The following ZC3H14 variants were observed in gnomAD, a reference collection of about 807,000 sequenced individuals.
ZC3H14 encodes zinc finger CCCH-type containing 14, also known as zinc finger CCCH domain-containing protein 14.
ZC3H14 carries 31 observed loss-of-function variants against 92.4 expected under a neutral mutation model. The ratio of observed to expected loss-of-function variants is 0.34; its 90% CI spans 0.25 to 0.45. The LOEUF is 0.45. Ranked by LOEUF, ZC3H14 falls within the 20% of genes least tolerant of loss-of-function variation. The probability of loss-of-function intolerance (pLI) is 1.00; values close to 1 mark genes in which losing one functional copy is unlikely to be tolerated. For synonymous variants in ZC3H14, 321 were observed against 300.9 expected (o/e 1.07, Z -0.69); for missense variants, 781 against 897.3 (o/e 0.87, Z 1.66).
intron 2 of ZC3H14, among the ~76,000 whole-genome samples, chr14:88,564,663 C>CTATGATATATAATATA (rs2079338118): frequency 1.3e-5 from 2 of 152,116 alleles, no homozygotes; most frequent in African/African-American, 4.8e-5. Flanking sequence ...ATAGTAACAC[C>CTATGATATATAATATA]ATAATGAAAT....
chr14:88,596,955 A>G, intron 10 of ZC3H14, 147 bp downstream of exon 10: 1 of 755,304 alleles, frequency 1.3e-6, no homozygotes, highest in Non-Finnish European at 2.3e-6. Context: ...GGGCCAGGAG[A>G]TAAGATCTGC....
intron 9 of ZC3H14, 112 bp downstream of exon 9, chr14:88,578,252 C>T: frequency 7.1e-7 from 1 of 1,413,568 alleles, no homozygotes; most frequent in Non-Finnish European, 9.8e-7. Flanking sequence ...GATGATTAAG[C>T]CCAGAAATAG....
Position 88,602,870 on chromosome 14 carries a change from A to G in ZC3H14, c.1557A>G (p.Ile519Met). The G allele has an allele frequency of 1.2e-6, 2 of 1,614,184 alleles. No individual in the cohort carries two copies. Among genetic ancestry groups the G allele is most frequent in the African/African-American group, 1.3e-5 (1 of 75,048 alleles). ...ATAAACCTGCAAGTCCCAAGTTTATAGTGACGCTGGATGGTGTCCCCAGCC... is the reference window on the plus strand; with the variant it reads ...ATAAACCTGCAAGTCCCAAGTTTATGGTGACGCTGGATGGTGTCCCCAGCC... ...QPDKPASPKF[I>M]VTLDGVPSPP... The change falls in exon 12 of 17, where the codon ATA (isoleucine) becomes ATG (methionine). Residue 519 changes from isoleucine (I) to methionine (M), a missense_variant. Transcript: ENST00000251038.
At chr14:88,590,292 AT>A (rs1489540856) in intron 9 of ZC3H14, 1 of 152,326 alleles carries the variant, frequency 6.6e-6, no homozygotes, top group Non-Finnish European at 1.5e-5. Context: ...AAATTAGATC[AT>A]GCTACTTTGC....
chr14:88,587,314 C>T (rs932507598), intron 9 of ZC3H14, among the ~76,000 whole-genome samples: 7 of 151,982 alleles, frequency 4.6e-5, no homozygotes, highest in Admixed American at 4.6e-4. Flanking sequence ...CAGGCACACC[C>T]TGCCACACCT....
At chr14:88,582,611 T>C (rs1304638505) in intron 9 of ZC3H14, among the ~76,000 whole-genome samples, 1 of 152,216 alleles carries the variant, frequency 6.6e-6, no homozygotes, top group African/African-American at 2.4e-5. Flanking sequence ...GATGACGTTC[T>C]CTCTTTTGAC....
chr14:88,622,823 C>T lies in ZC3H14; in HGVS notation c.*11072C>T. The T allele has an allele frequency of 4.8e-6, 3 of 622,348 alleles. No individual in the cohort carries two copies. Among genetic ancestry groups the T allele is most frequent in the Non-Finnish European group, 5.0e-6 (2 of 401,756 alleles). The allele number at this position is 622,348 out of a possible 1,614,324, so 38.6% of individuals were successfully genotyped here. A position where few individuals can be genotyped will look rare whatever the true frequency, so the allele number is the denominator to read the frequency against. Reference sequence around the variant, plus strand: ...GCAGAATCTTTTTTTTTTAAAAAGGCCCTGATATTTATAATTTACCTCTAA... The same window carrying T: ...GCAGAATCTTTTTTTTTTAAAAAGGTCCTGATATTTATAATTTACCTCTAA... On this transcript the variant is annotated 3_prime_UTR_variant, in exon 17 of 17. Transcript: ENST00000251038.
chr14:88,597,343 C>G (rs1323496856), intron 10 of ZC3H14, among the ~76,000 whole-genome samples: 1 of 152,192 alleles, frequency 6.6e-6, no homozygotes, highest in Admixed American at 6.5e-5. Context: ...TTTTTATTAT[C>G]TCTGTCCTCA....
rs762605995 is a variant in ZC3H14 at position 88,611,888 on chromosome 14, ATCTG to A, written c.*138_*141del. On this transcript the variant is annotated 3_prime_UTR_variant, in exon 17 of 17. Transcript: ENST00000251038. Reference sequence around the variant, plus strand: ...TAATATGAAGTTTTATTGCCTATCTATCTGAAGTGTCTAATTTTTCAAGTTTGTA... The same window carrying A: ...TAATATGAAGTTTTATTGCCTATCTAAAGTGTCTAATTTTTCAAGTTTGTA... 2 of 1,176,034 alleles carry A rather than the reference ATCTG, an allele frequency of 1.7e-6. No homozygotes were observed. The highest frequency in any genetic ancestry group is 2.4e-6 in the Non-Finnish European group (2 of 817,552). 72.8% of individuals were successfully genotyped at this position (1,176,034 alleles called of 1,614,324 possible). A position where few individuals can be genotyped will look rare whatever the true frequency, so the allele number is the denominator to read the frequency against.
chr14:88,585,837 T>A (rs1484730322), intron 9 of ZC3H14, among the ~76,000 whole-genome samples: 1 of 152,230 alleles, frequency 6.6e-6, no homozygotes, highest in Non-Finnish European at 1.5e-5. Flanking sequence ...TCCTCCTCAT[T>A]TACTTGTTTC....
In ZC3H14 at chr14:88,601,997, G is replaced by A; in HGVS notation, c.1428G>A (p.Glu476=). ...SFILKKPKLS[E]EVVVAPNQES... is the part of the protein sequence containing the mutation. The stretch of plus-strand genomic sequence containing the variant: ...TTCTGAAGAAGCCAAAGCTGTCTGA[G>A]GAAGTAGTAGTGGCACCAAACCAAG... The change falls in exon 11 of 17, where the codon GAG becomes GAA. Residue 476 remains glutamate, a synonymous_variant. Transcript: ENST00000251038. The A allele has an allele frequency of 6.2e-7, 1 of 1,614,170 alleles. No individual in the cohort carries two copies. Among genetic ancestry groups the A allele is most frequent in the Non-Finnish European group, 8.5e-7 (1 of 1,180,020 alleles).
chr14:88,626,641 C>T lies in ZC3H14; in HGVS notation c.*14890C>T, dbSNP rs2089986021. 2 of 625,084 alleles carry T rather than the reference C, an allele frequency of 3.2e-6. No homozygotes were observed. The highest frequency in any genetic ancestry group is 2.7e-6 in the Non-Finnish European group (1 of 370,094). The allele number at this position is 625,084 out of a possible 1,614,324, so 38.7% of individuals were successfully genotyped here. On this transcript the variant is annotated 3_prime_UTR_variant, in exon 17 of 17. Transcript: ENST00000251038. ...CAAAAAAAAAAAAAAATCCTTTTCC[C>T]CCTCTCATTAACATTCTTTTCACTC...
At chr14:88,581,258 T>G (rs1471463822) in intron 9 of ZC3H14, among the ~76,000 whole-genome samples, 1 of 152,136 alleles carries the variant, frequency 6.6e-6, no homozygotes, top group African/African-American at 2.4e-5. Flanking sequence ...ACTTCCTATT[T>G]AAAAAACTAG....
At chr14:88,604,212 A>G (rs1355498574) in intron 12 of ZC3H14, among the ~76,000 whole-genome samples, 7 of 152,184 alleles carry the variant, frequency 4.6e-5, no homozygotes, top group Non-Finnish European at 8.8e-5. Context: ...TATGGGGTAT[A>G]CATGTAGCAG....
rs1421415014 is a variant in ZC3H14 at position 88,618,121 on chromosome 14, A to G, written c.*6370A>G. 2.4e-6 allele frequency: 2 copies of G among 829,622 alleles called. No individual in the cohort carries two copies. Among genetic ancestry groups the G allele is most frequent in the East Asian group, 5.3e-5 (2 of 37,470 alleles). The allele number at this position is 829,622 out of a possible 1,614,324, so 51.4% of individuals were successfully genotyped here. On this transcript the variant is annotated 3_prime_UTR_variant, in exon 17 of 17. Coordinates refer to ENST00000251038, the MANE Select transcript of ZC3H14 (RefSeq NM_024824.5). ...TTCAAAATATGGTAACAAAAACTTG[A>G]AACTCAATTACTATTCCTTATTGGA...
Position 88,578,781 on chromosome 14 carries a change from G to GTTTTTTTTTTTT in ZC3H14, c.1279+654_1279+665dup, listed in dbSNP as rs35101368. On this transcript the variant is annotated intron_variant, in intron 9 of 16. Coordinates refer to ENST00000251038, the MANE Select transcript of ZC3H14 (RefSeq NM_024824.5). Reference sequence around the variant, plus strand: ...CTAACATACTTCAGTTTGCTTCCAGGTTTTTTTTTTTTTTTTTTTTTTTTG... The same window carrying GTTTTTTTTTTTT: ...CTAACATACTTCAGTTTGCTTCCAGGTTTTTTTTTTTTTTTTTTTTTTTTTTTTTTTTTTTTG... 7.8e-3 allele frequency among the ~76,000 whole-genome samples: 597 copies of GTTTTTTTTTTTT among 76,922 alleles called. 1 individual carries two copies. Among genetic ancestry groups the GTTTTTTTTTTTT allele is most frequent in the Non-Finnish European group, 9.3e-3 (394 of 42,578 alleles). The allele number at this position is 76,922 out of a possible 152,430, so 50.5% of individuals were successfully genotyped here.
chr14:88,586,789 TGATA>T (rs1218314668), intron 9 of ZC3H14: 1 of 152,206 alleles, frequency 6.6e-6, no homozygotes, highest in East Asian at 1.9e-4. Flanking sequence ...TAATATCTCC[TGATA>T]GATGAGAAAA....
chr14:88,608,503 T>C, intron 13 of ZC3H14: 3 of 269,044 alleles, frequency 1.1e-5, no homozygotes, highest in South Asian at 1.1e-4. Flanking sequence ...CAGAGTAGCG[T>C]ATTTCTTGTT....
intron 9 of ZC3H14, chr14:88,589,121 T>C (rs2082793663): frequency 6.6e-6 from 1 of 152,192 alleles, no homozygotes; most frequent in Non-Finnish European, 1.5e-5. Flanking sequence ...CAGATAGTGG[T>C]TCCTAGTTTA....
Sources: allele counts gnomAD v4.1 joint callset (sites outside exome capture counted in the v4.1 genomes callset), GRCh38; gene constraint gnomAD v4.1.1; transcripts MANE v1.5; gene names NCBI Gene and HGNC (gene_info 2026-07-23, HGNC 2026-07-21).